The following PCDHGA9 variants were observed in gnomAD, a reference collection of about 807,000 sequenced individuals.
PCDHGA9 encodes protocadherin gamma subfamily A, 9.
A neutral mutation model predicts 62.5 loss-of-function variants in PCDHGA9; 37 were observed. The ratio of observed to expected loss-of-function variants is 0.59; its 90% CI spans 0.46 to 0.78. The LOEUF (loss-of-function observed/expected upper bound fraction) is 0.78. Ranked by LOEUF, PCDHGA9 falls within the 30% of genes least tolerant of loss-of-function variation. The pLI, the probability that PCDHGA9 is intolerant of heterozygous loss-of-function variation, is 0.00. For synonymous variants in PCDHGA9, 459 were observed against 484.6 expected (o/e 0.95, Z 0.69); for missense variants, 1,138 against 1,166.2 (o/e 0.98, Z 0.35).
intron 1 of PCDHGA9, among the ~76,000 whole-genome samples, chr5:141,462,941 G>A (rs1667222225): frequency 6.6e-6 from 1 of 152,158 alleles, no homozygotes; most frequent in Non-Finnish European, 1.5e-5. Flanking sequence ...TTCAAGGCTT[G>A]TTTTTAAGCT....
intron 1 of PCDHGA9, among the ~76,000 whole-genome samples, chr5:141,475,380 T>A (rs2099362720): frequency 6.6e-6 from 1 of 152,244 alleles, no homozygotes; most frequent in South Asian, 2.1e-4. Flanking sequence ...TACTTTTAAA[T>A]TTTATAAGCC....
At chr5:141,498,551 C>T (rs749191535) in intron 2 of PCDHGA9, among the ~76,000 whole-genome samples, 2 of 151,950 alleles carry the variant, frequency 1.3e-5, no homozygotes, top group Non-Finnish European at 2.9e-5. Context: ...GTCAGACACA[C>T]CAGCTTCAAA....
chr5:141,471,564 T>C (rs1352708320), intron 1 of PCDHGA9: 1 of 152,184 alleles, frequency 6.6e-6, no homozygotes, highest in African/African-American at 2.4e-5. Context: ...GACTCAGGGG[T>C]AGCAGTAGAT....
At chr5:141,427,573 T>C in intron 1 of PCDHGA9, 1 of 667,160 alleles carries the variant, frequency 1.5e-6, no homozygotes, top group Non-Finnish European at 2.8e-6. Context: ...AAGCCTCCGC[T>C]CTCATCCAGC....
chr5:141,423,544 C>G, intron 1 of PCDHGA9: 1 of 1,613,744 alleles, frequency 6.2e-7, no homozygotes, highest in African/African-American at 1.3e-5. Flanking sequence ...GATTTTCCCC[C>G]AGCCCAACTA....
Position 141,476,416 on chromosome 5 carries a change from A to G in PCDHGA9, c.2425-18391A>G. On this transcript the variant is annotated intron_variant, in intron 1 of 3. Coordinates refer to ENST00000573521, the MANE Select transcript of PCDHGA9 (RefSeq NM_018921.3). The surrounding 1 kb of genome is among the most constrained non-coding windows in gnomAD (Gnocchi z 7.6). ...TGGATCGAGAGGAGCTGTGTGGGAC[A>G]CTGCCCTCTTGCACTGTAACTCTGG... 1 of 1,614,056 alleles carries G rather than the reference A, an allele frequency of 6.2e-7. No individual in the cohort carries two copies. The highest frequency in any genetic ancestry group is 8.5e-7 in the Non-Finnish European group (1 of 1,179,994).
At chr5:141,421,159 C>G (rs2096549842) in intron 1 of PCDHGA9, 3 of 1,236,898 alleles carry the variant, frequency 2.4e-6, no homozygotes. Flanking sequence ...CCTAGGACTT[C>G]ATAGATACAT....
Position 141,403,803 on chromosome 5 carries a change from T to C in PCDHGA9, c.851T>C (p.Ile284Thr), listed in dbSNP as rs1323082699. 3.1e-6 allele frequency: 5 copies of C among 1,613,668 alleles called. No homozygotes were observed. The change falls in exon 1 of 4, where the codon ATT becomes ACT. Residue 284 changes from isoleucine (I) to threonine (T), a missense_variant. Ile to Thr is a moderately conservative substitution (Grantham distance 89). Transcript: ENST00000573521. ...AAAGTGGCATACAAATTCTGGAAAA[T>C]TAATGAAAAACAATCTCTGCTATTC... ...NGKVAYKFWK[I>T]NEKQSLLFQL... is the part of the protein sequence containing the mutation.
chr5:141,510,451 G>A (rs1330148267), intron 3 of PCDHGA9, among the ~76,000 whole-genome samples: 2 of 152,096 alleles, frequency 1.3e-5, no homozygotes, highest in East Asian at 1.9e-4. Context: ...AGGAGCCCAT[G>A]GTCTAGTGTG....
At chr5:141,484,050 C>T (rs1262678828) in intron 1 of PCDHGA9, among the ~76,000 whole-genome samples, 1 of 151,984 alleles carries the variant, frequency 6.6e-6, no homozygotes, top group Non-Finnish European at 1.5e-5. Flanking sequence ...CAAGAGGTCC[C>T]CTGGGGCTAA....
chr5:141,489,089 A>C lies in PCDHGA9; in HGVS notation c.2425-5718A>C. 6 of 284,452 alleles carry C rather than the reference A, an allele frequency of 2.1e-5. No individual in the cohort carries two copies. The highest frequency in any genetic ancestry group is 5.7e-5 in the East Asian group (1 of 17,568). The allele number at this position is 284,452 out of a possible 1,614,324, so 17.6% of individuals were successfully genotyped here. A position where few individuals can be genotyped will look rare whatever the true frequency, so the allele number is the denominator to read the frequency against. Reference sequence around the variant, plus strand: ...CCCTGCCCACCCCCGCCACTCGGTGACTAAGAACTGCTGCAAGCAGGCAAA... The same window carrying C: ...CCCTGCCCACCCCCGCCACTCGGTGCCTAAGAACTGCTGCAAGCAGGCAAA... On this transcript the variant is annotated intron_variant, in intron 1 of 3. Transcript: ENST00000573521. This position sits in a 1 kb window ranked among gnomAD's most constrained non-coding sequence, Gnocchi z 4.5.
rs767400679 is a variant in PCDHGA9, at chr5:141,476,863, C to T, written c.2425-17944C>T. 2.2e-5 allele frequency: 35 copies of T among 1,613,740 alleles called. No individual in the cohort carries two copies. Among genetic ancestry groups the T allele is most frequent in the Non-Finnish European group, 2.8e-5 (33 of 1,180,062 alleles). On this transcript the variant is annotated intron_variant, in intron 1 of 3. Coordinates refer to ENST00000573521, the MANE Select transcript of PCDHGA9 (RefSeq NM_018921.3). The surrounding 1 kb of genome is among the most constrained non-coding windows in gnomAD (Gnocchi z 7.6). ...CGCCTGTCTTCAACCAGTCCTTGTA[C>T]CGGGCGCGCGTCCTGGAGGATGCAC...
At position 141,446,758 on chromosome 5, in the gene PCDHGA9, C is replaced by T. The variant is rs776925316; in HGVS notation, c.2424+41382C>T. Among the ~76,000 whole-genome samples, 10 of 152,208 alleles carry T rather than the reference C, an allele frequency of 6.6e-5. 1 individual carries two copies. Among genetic ancestry groups the T allele is most frequent in the African/African-American group, 9.7e-5 (4 of 41,448 alleles). On this transcript the variant is annotated intron_variant, in intron 1 of 3. Transcript: ENST00000573521. ...TGGGGATTACAGGCGTGAGCCACCG[C>T]GCCCAGCCGGTTACCATTCTTTTAC...
chr5:141,413,965 C>G (rs2095696868), intron 1 of PCDHGA9: 2 of 1,613,292 alleles, frequency 1.2e-6, no homozygotes, highest in East Asian at 2.2e-5. Context: ...TGTGGGCACT[C>G]AGCTGCTGAC....
At chr5:141,421,679 C>T (rs1210753842) in intron 1 of PCDHGA9, 2 of 1,613,810 alleles carry the variant, frequency 1.2e-6, no homozygotes, top group Admixed American at 1.7e-5. Context: ...ATTCCTGGGG[C>T]GCGATTTGCT....
At chr5:141,415,095 C>A (rs1045755927) in intron 1 of PCDHGA9, 2 of 1,613,466 alleles carry the variant, frequency 1.2e-6, no homozygotes, top group East Asian at 2.2e-5. Flanking sequence ...TGGACAGAGA[C>A]GCGCTCAAGC....
intron 1 of PCDHGA9, among the ~76,000 whole-genome samples, chr5:141,460,252 A>T (rs1342135416): frequency 6.6e-6 from 1 of 151,974 alleles, no homozygotes; most frequent in African/African-American, 2.4e-5. Flanking sequence ...AATTTTGATA[A>T]AGCCCAATTT....
At chr5:141,436,959 G>A (rs1385958934) in intron 1 of PCDHGA9, among the ~76,000 whole-genome samples, 1 of 152,120 alleles carries the variant, frequency 6.6e-6, no homozygotes, top group Non-Finnish European at 1.5e-5. Context: ...TCTAAACAAG[G>A]ATCTTGTGAA....
rs372018713 is a variant in PCDHGA9, at chr5:141,418,097, C to G, written c.2424+12721C>G. ...GAAGCTGCACTTCAGCGTAGACGCG[C>G]AGAGCGGGGACTTACTTGTGAAGGA... On this transcript the variant is annotated intron_variant, in intron 1 of 3. Coordinates refer to ENST00000573521, the MANE Select transcript of PCDHGA9 (RefSeq NM_018921.3). The G allele has an allele frequency of 5.7e-4, 921 of 1,613,980 alleles. 9 individuals are homozygous for G. The South Asian group carries it at 6.8e-3, about 12-fold the overall frequency.
Sources: allele counts gnomAD v4.1 joint callset (sites outside exome capture counted in the v4.1 genomes callset), GRCh38; gene constraint gnomAD v4.1.1; non-coding constraint Gnocchi (gnomAD v3.1); transcripts MANE v1.5; gene names NCBI Gene and HGNC (gene_info 2026-07-23, HGNC 2026-07-21).